The following ABCA5 variants were observed in gnomAD, a reference collection of about 807,000 sequenced individuals.
ABCA5 encodes ATP binding cassette subfamily A member 5.
A neutral mutation model predicts 206.0 loss-of-function variants in ABCA5; 163 were observed. That is an observed-to-expected ratio of 0.79 (90% CI 0.70 to 0.90). The LOEUF (loss-of-function observed/expected upper bound fraction) is 0.90, where lower values mean the gene tolerates loss of function less well. Ranked by LOEUF, ABCA5 falls within the 40% of genes least tolerant of loss-of-function variation. ABCA5 has a pLI of 0.00. For synonymous variants in ABCA5, 609 were observed against 613.8 expected (o/e 0.99, Z 0.11); for missense variants, 1,859 against 1,912.9 (o/e 0.97, Z 0.53).
intron 7 of ABCA5, among the ~76,000 whole-genome samples, chr17:69,303,716 G>C (rs1035544334): frequency 5.4e-4 from 60 of 112,118 alleles, no homozygotes; most frequent in African/African-American, 1.9e-3. Flanking sequence ...CTTGAGCCCA[G>C]GAGTTCAAGA....
intron 18 of ABCA5, among the ~76,000 whole-genome samples, chr17:69,283,573 G>T (rs891670583): frequency 1.3e-5 from 2 of 152,104 alleles, no homozygotes; most frequent in African/African-American, 4.8e-5. Context: ...GCTTCACTAT[G>T]GCTCCGGCCA....
At chr17:69,312,637 T>G (rs1405934991) in intron 3 of ABCA5, among the ~76,000 whole-genome samples, 3 of 152,158 alleles carry the variant, frequency 2.0e-5, no homozygotes, top group African/African-American at 7.2e-5. Context: ...AGTGCTGGAA[T>G]GAAGTGGCAT....
At chr17:69,252,884 G>A (rs905941926) in intron 34 of ABCA5, among the ~76,000 whole-genome samples, 7 of 150,106 alleles carry the variant, frequency 4.7e-5, no homozygotes, top group Non-Finnish European at 7.4e-5. Flanking sequence ...GTACTTTACA[G>A]GCACTGCATA....
chr17:69,286,258 A>G lies in ABCA5; in HGVS notation c.2095T>C (p.Phe699Leu). ...GMLKCVGSSMFLKSKWGIGYR... is the reference protein window; with the variant it reads ...GMLKCVGSSMLLKSKWGIGYR... Reference sequence around the variant, plus strand: ...CCGATCCCCCATTTACTTTTGAGGAACATTGAAGAACCAACACATTTCAGC... The same window carrying G: ...CCGATCCCCCATTTACTTTTGAGGAGCATTGAAGAACCAACACATTTCAGC... Residue 699 changes from phenylalanine to leucine, a missense_variant, in exon 16 of 39, where the codon TTC (phenylalanine) becomes CTC (leucine). By Grantham distance (22) the Phe-to-Leu change is conservative. Transcript: ENST00000392676. 6.3e-7 allele frequency: 1 copy of G among 1,592,688 alleles called. No homozygotes were observed. The highest frequency in any genetic ancestry group is 1.2e-5 in the South Asian group (1 of 86,278).
chr17:69,250,477 C>T lies in ABCA5; in HGVS notation c.4680G>A (p.Gln1560=), dbSNP rs775203182. 15 of 1,607,534 alleles carry T rather than the reference C, an allele frequency of 9.3e-6. No individual in the cohort carries two copies. Among genetic ancestry groups the T allele is most frequent in the Admixed American group, 3.4e-5 (2 of 58,506 alleles). ...IQYIFPNASR[Q]ESFSSILAYK... The stretch of plus-strand genomic sequence containing the variant: ...CACATTCTTTAAAATTTTACCTTTC[C>T]TGACGGCTTGCATTTGGGAAAATAT... The change falls in exon 36 of 39, where the codon CAG becomes CAA. Residue 1560 remains glutamine (Q), a synonymous_variant. Transcript: ENST00000392676.
chr17:69,261,411 T>C (rs1383116226), intron 25 of ABCA5, 152 bp from the exon 26 acceptor site: 16 of 738,450 alleles, frequency 2.2e-5, no homozygotes, highest in Non-Finnish European at 3.2e-5. Flanking sequence ...TACCACTTGT[T>C]TGTAGCTAGT....
At chr17:69,324,194 C>CA (rs1303744943) in intron 1 of ABCA5, among the ~76,000 whole-genome samples, 9 of 150,702 alleles carry the variant, frequency 6.0e-5, no homozygotes, top group East Asian at 3.9e-4. Flanking sequence ...CATTATGAGG[C>CA]AAAAAAAATA....
intron 3 of ABCA5, among the ~76,000 whole-genome samples, chr17:69,311,005 G>A (rs986581382): frequency 1.3e-5 from 2 of 152,074 alleles, no homozygotes; most frequent in Non-Finnish European, 2.9e-5. Context: ...ACCAGCCTAG[G>A]TAGCATGGCG....
At chr17:69,308,076 C>A (rs879648558) in intron 5 of ABCA5, among the ~76,000 whole-genome samples, 9 of 152,112 alleles carry the variant, frequency 5.9e-5, no homozygotes, top group Non-Finnish European at 1.3e-4. Context: ...ATTTCATGGC[C>A]AGTTTTTCTG....
At chr17:69,315,502 T>G (rs1033550827) in intron 1 of ABCA5, 2 of 152,274 alleles carry the variant, frequency 1.3e-5, no homozygotes, top group Non-Finnish European at 2.9e-5. Flanking sequence ...AGAAAATAGC[T>G]GACCGGGTGC....
intron 1 of ABCA5, among the ~76,000 whole-genome samples, chr17:69,315,665 C>T (rs2145044857): frequency 6.6e-6 from 1 of 152,096 alleles, no homozygotes; most frequent in South Asian, 2.1e-4. Flanking sequence ...CACCTGTAAT[C>T]CCAGCTACTC....
chr17:69,253,506 C>CTAT lies in ABCA5; in HGVS notation c.4415+64_4415+66dup, dbSNP rs2075039845. ...AGATGTACATATAACTAACATTAAACTATTATAATAAAAGAAACTGTTCTA... is the reference window on the plus strand; with the variant it reads ...AGATGTACATATAACTAACATTAAACTATTATTATAATAAAAGAAACTGTTCTA... On this transcript the variant is annotated intron_variant, in intron 34 of 38. Coordinates refer to ENST00000392676, the MANE Select transcript of ABCA5 (RefSeq NM_172232.4). 5 of 1,041,334 alleles carry CTAT rather than the reference C, an allele frequency of 4.8e-6. No homozygotes were observed. The South Asian group carries it at 7.9e-5, about 16-fold the overall frequency. The allele number at this position is 1,041,334 out of a possible 1,614,324, so 64.5% of individuals were successfully genotyped here. A position where few individuals can be genotyped will look rare whatever the true frequency, so the allele number is the denominator to read the frequency against.
intron 12 of ABCA5, among the ~76,000 whole-genome samples, chr17:69,290,973 C>T (rs915537477): frequency 2.0e-5 from 3 of 152,072 alleles, no homozygotes; most frequent in South Asian, 2.1e-4. Flanking sequence ...AATAAAAACA[C>T]ATACATACAC....
chr17:69,269,603 C>T (rs2075249858), intron 22 of ABCA5, among the ~76,000 whole-genome samples: 2 of 152,094 alleles, frequency 1.3e-5, no homozygotes, highest in African/African-American at 4.8e-5. Flanking sequence ...CTCAAATATT[C>T]ATAAGCATTA....
In ABCA5 at chr17:69,267,991, A is replaced by T; in HGVS notation, c.3096T>A (p.Val1032=). ...TGGCAAAGTAAGGTGGCATTGCAGT[A>T]ACAATGATTCCAAGCAAAGCTGCTT... ...YFQAALLGII[V]TAMPPYFAME... is the part of the protein sequence containing the mutation. Residue 1032 remains valine, a synonymous_variant, in exon 23 of 39, where the codon GTT becomes GTA. Transcript: ENST00000392676. 1 of 1,612,288 alleles carries T rather than the reference A, an allele frequency of 6.2e-7. No individual in the cohort carries two copies. The highest frequency in any genetic ancestry group is 8.5e-7 in the Non-Finnish European group (1 of 1,178,710).
At chr17:69,325,414 C>T (rs1258173889) in intron 1 of ABCA5, among the ~76,000 whole-genome samples, 2 of 152,112 alleles carry the variant, frequency 1.3e-5, no homozygotes, top group East Asian at 1.9e-4. Context: ...GAGGACAAGT[C>T]ATCCAATAAA....
chr17:69,251,995 A>ATTACATCC, intron 34 of ABCA5, 129 bp from the exon 35 acceptor site: 1 of 819,484 alleles, frequency 1.2e-6, no homozygotes, highest in Non-Finnish European at 1.9e-6. Context: ...TGCTATGGCT[A>ATTACATCC]TTACATCCTG....
rs746174526 is a variant in ABCA5, at chr17:69,249,897, C to T, written c.4765+8G>A. 6.4e-7 allele frequency: 1 copy of T among 1,560,430 alleles called. No homozygotes were observed. The highest frequency in any genetic ancestry group is 2.3e-5 in the East Asian group (1 of 43,902). On this transcript the variant is annotated splice_region_variant and intron_variant, in intron 37 of 38. Transcript: ENST00000392676. Reference sequence around the variant, plus strand: ...ATTTTATAAGCCAAAATAGAAGATACTACTTACCTTCTTCCAGCTTAAAAA... The same window carrying T: ...ATTTTATAAGCCAAAATAGAAGATATTACTTACCTTCTTCCAGCTTAAAAA...
chr17:69,247,217 TTAAAAATAAA>T lies in ABCA5; in HGVS notation c.*310_*319del. 1 of 176,508 alleles carries T rather than the reference TTAAAAATAAA, an allele frequency of 5.7e-6. No individual in the cohort carries two copies. Among genetic ancestry groups the T allele is most frequent in the Non-Finnish European group, 1.2e-5 (1 of 84,418 alleles). 10.9% of individuals were successfully genotyped at this position (176,508 alleles called of 1,614,324 possible). A position where few individuals can be genotyped will look rare whatever the true frequency, so the allele number is the denominator to read the frequency against. On this transcript the variant is annotated 3_prime_UTR_variant, in exon 39 of 39. Coordinates refer to ENST00000392676, the MANE Select transcript of ABCA5 (RefSeq NM_172232.4). ...AAGATGGCATAAACTTAAAGATAACTTAAAAATAAAACTATTCTATTACAATTCCTTTAAA... is the reference window on the plus strand; with the variant it reads ...AAGATGGCATAAACTTAAAGATAACTACTATTCTATTACAATTCCTTTAAA...
Sources: gnomAD v4.1 joint callset for allele counts (sites outside exome capture counted in the v4.1 genomes callset) on GRCh38, gnomAD v4.1.1 for gene constraint, MANE v1.5 for transcripts, NCBI Gene and HGNC (gene_info 2026-07-23, HGNC 2026-07-21) for gene names.